Variants in CGNL1 observed in about 807,000 individuals in gnomAD.
The protein encoded by CGNL1 is cingulin like 1, also known as cingulin-like protein 1.
CGNL1 carries 132 observed loss-of-function variants against 141.2 expected under a neutral mutation model. The observed-to-expected ratio is 0.93, with a 90% CI of 0.81 to 1.08. The LOEUF (loss-of-function observed/expected upper bound fraction) is 1.08. Ranked by LOEUF, CGNL1 falls within the 50% of genes least tolerant of loss-of-function variation. The pLI, the probability that CGNL1 is intolerant of heterozygous loss-of-function variation, is 0.00. For missense variants in CGNL1, 1,870 were observed against 1,588.6 expected (o/e 1.18, Z -3.01); for synonymous variants, 690 against 622.1 (o/e 1.11, Z -1.63).
chr15:57,424,377 T>G (rs1172661369), intron 1 of CGNL1, among the ~76,000 whole-genome samples: 1 of 152,212 alleles, frequency 6.6e-6, no homozygotes, highest in Non-Finnish European at 1.5e-5. Flanking sequence ...GTTCATTTTC[T>G]TACCATGCTA....
At chr15:57,533,772 G>A (rs1042910247) in intron 14 of CGNL1, among the ~76,000 whole-genome samples, 6 of 152,190 alleles carry the variant, frequency 3.9e-5, no homozygotes, top group Non-Finnish European at 8.8e-5. Flanking sequence ...TTGGATCATG[G>A]GGAATAGAAC....
At position 57,523,642 on chromosome 15, in the gene CGNL1, G is replaced by A. The variant is rs2066462088; in HGVS notation, c.2868+1G>A. 2.5e-6 allele frequency: 4 copies of A among 1,614,036 alleles called. No individual in the cohort carries two copies. In the South Asian group the frequency reaches 4.4e-5, roughly 18 times the overall value. Reference sequence around the variant, plus strand: ...AACCATTGAGAAACTGCAGAAGGAGGTGAGGGGCTGGAGGAGGAAAGAGGA... The same window carrying A: ...AACCATTGAGAAACTGCAGAAGGAGATGAGGGGCTGGAGGAGGAAAGAGGA... On this transcript the variant is annotated splice_donor_variant, in intron 11 of 18. Coordinates refer to ENST00000281282, the MANE Select transcript of CGNL1 (RefSeq NM_032866.5). LOFTEE classifies it high-confidence loss of function.
At chr15:57,390,796 C>G (rs2062534390) in intron 1 of CGNL1, among the ~76,000 whole-genome samples, 2 of 151,944 alleles carry the variant, frequency 1.3e-5, no homozygotes, top group Non-Finnish European at 2.9e-5. Context: ...TGCTGCCTAT[C>G]TGTGGGAGGA....
chr15:57,486,896 A>G (rs911436212), intron 8 of CGNL1, among the ~76,000 whole-genome samples: 10 of 152,154 alleles, frequency 6.6e-5, no homozygotes, highest in South Asian at 2.1e-4. Context: ...TCCTTGTTTT[A>G]CATTTCCATT....
At chr15:57,496,080 G>A (rs1267865512) in intron 8 of CGNL1, among the ~76,000 whole-genome samples, 1 of 152,180 alleles carries the variant, frequency 6.6e-6, no homozygotes, top group Non-Finnish European at 1.5e-5. Context: ...GGAGGGAAGT[G>A]TGTGTTTCCT....
intron 8 of CGNL1, among the ~76,000 whole-genome samples, chr15:57,503,361 G>C (rs1211675573): frequency 2.0e-5 from 3 of 152,214 alleles, no homozygotes; most frequent in African/African-American, 7.2e-5. Flanking sequence ...GGGTCCCCAA[G>C]GTCAGAGTAC....
At chr15:57,394,644 T>C (rs2062582768) in intron 1 of CGNL1, among the ~76,000 whole-genome samples, 2 of 152,196 alleles carry the variant, frequency 1.3e-5, no homozygotes, top group Non-Finnish European at 2.9e-5. Context: ...ATTGTATCAG[T>C]GTTACAAATG....
At chr15:57,546,005 G>T (rs2032842612) in intron 17 of CGNL1, 71 bp from the exon 18 acceptor site, 3 of 1,533,460 alleles carry the variant, frequency 2.0e-6, no homozygotes, top group Admixed American at 1.9e-5. Context: ...ATGGTGGCTG[G>T]ACCTGGGGTA....
At chr15:57,383,459 C>T (rs1298355934) in intron 1 of CGNL1, among the ~76,000 whole-genome samples, 2 of 151,594 alleles carry the variant, frequency 1.3e-5, no homozygotes, top group African/African-American at 4.9e-5. Context: ...CCACGACGCC[C>T]GGCTAATTTT....
chr15:57,467,848 C>A (rs1277643085), intron 8 of CGNL1, among the ~76,000 whole-genome samples: 13 of 151,992 alleles, frequency 8.6e-5, no homozygotes, highest in South Asian at 4.1e-4. Context: ...TGCCACCACA[C>A]CCCGCTGATT....
At chr15:57,523,427 A>T in intron 10 of CGNL1, 62 bp from the exon 11 acceptor site, 3 of 1,547,088 alleles carry the variant, frequency 1.9e-6, no homozygotes, top group Non-Finnish European at 2.7e-6. Flanking sequence ...TCCCTGTGCC[A>T]CCCGTTCCTG....
intron 1 of CGNL1, among the ~76,000 whole-genome samples, chr15:57,413,875 T>C (rs1272055961): frequency 3.9e-5 from 6 of 152,210 alleles, no homozygotes; most frequent in African/African-American, 1.4e-4. Context: ...GCATCAGTTT[T>C]ACAGGGAACA....
chr15:57,520,300 C>T lies in CGNL1; in HGVS notation c.2715+1803C>T, dbSNP rs57725097. ...AGTCAGCTCCTTTTGTTTGGTTACT[C>T]TTTCTATGCACCTCTCGTCCTTGAA... On this transcript the variant is annotated intron_variant, in intron 10 of 18. Transcript: ENST00000281282. Among the ~76,000 whole-genome samples, 1,384 of 152,336 alleles carry T rather than the reference C, an allele frequency of 9.1e-3. 29 individuals carry two copies. Among genetic ancestry groups the T allele is most frequent in the African/African-American group, 0.031 (1,300 of 41,572 alleles).
At chr15:57,514,248 T>C (rs1271672209) in intron 8 of CGNL1, among the ~76,000 whole-genome samples, 1 of 152,128 alleles carries the variant, frequency 6.6e-6, no homozygotes, top group Non-Finnish European at 1.5e-5. Flanking sequence ...GCCTCCCGAG[T>C]TCAAACAATT....
chr15:57,394,674 C>T (rs1371488267), intron 1 of CGNL1, among the ~76,000 whole-genome samples: 3 of 152,192 alleles, frequency 2.0e-5, no homozygotes, highest in African/African-American at 7.2e-5. Flanking sequence ...AATCTCCCAT[C>T]CAAGAACTAA....
At position 57,452,275 on chromosome 15, in the gene CGNL1, G is replaced by T. The variant is rs1450542571; in HGVS notation, c.2040G>T (p.Arg680=). The part of the protein sequence containing the change: ...QRLEESEGEL[R]KNLEELFQVK... Reference sequence around the variant, plus strand: ...TGGAAGAAAGTGAAGGGGAGCTCCGGAAGAATCTGGAGGAGTAAGTTCTGG... The same window carrying T: ...TGGAAGAAAGTGAAGGGGAGCTCCGTAAGAATCTGGAGGAGTAAGTTCTGG... Residue 680 remains arginine (R), a synonymous_variant, in exon 6 of 19, where the codon CGG becomes CGT. Coordinates refer to ENST00000281282, the MANE Select transcript of CGNL1 (RefSeq NM_032866.5). The T allele has an allele frequency of 1.9e-6, 3 of 1,613,612 alleles. No individual in the cohort carries two copies. The highest frequency in any genetic ancestry group is 1.7e-6 in the Non-Finnish European group (2 of 1,179,744).
At chr15:57,544,086 C>T (rs1379156656) in intron 15 of CGNL1, among the ~76,000 whole-genome samples, 2 of 152,134 alleles carry the variant, frequency 1.3e-5, no homozygotes, top group African/African-American at 4.8e-5. Flanking sequence ...AAAACTTCAT[C>T]GGGTCATTAT....
chr15:57,502,802 A>G (rs1188387827), intron 8 of CGNL1, among the ~76,000 whole-genome samples: 1 of 152,196 alleles, frequency 6.6e-6, no homozygotes, highest in Non-Finnish European at 1.5e-5. Flanking sequence ...AATGGTGGAT[A>G]CTTCAATCCT....
chr15:57,455,866 A>C (rs1364711632), intron 7 of CGNL1, among the ~76,000 whole-genome samples: 2 of 152,194 alleles, frequency 1.3e-5, no homozygotes, highest in Non-Finnish European at 2.9e-5. Context: ...TGCGAGATAC[A>C]GGAGTGGGCA....
Sources: gnomAD v4.1 joint callset for allele counts (sites outside exome capture counted in the v4.1 genomes callset) on GRCh38, gnomAD v4.1.1 for gene constraint, MANE v1.5 for transcripts, NCBI Gene and HGNC (gene_info 2026-07-23, HGNC 2026-07-21) for gene names.